KALRN: variants seen among roughly 807,000 people sequenced by gnomAD.
The protein encoded by KALRN is kalirin RhoGEF kinase.
Under a neutral mutation model 353.7 loss-of-function variants are expected in KALRN, and 70 were observed. That is an observed-to-expected ratio of 0.20 (90% CI 0.16 to 0.24). The LOEUF is 0.24. KALRN is among the 10% of genes least tolerant of loss of function. KALRN has a pLI of 1.00. For synonymous variants in KALRN, 1,391 were observed against 1,434.8 expected (o/e 0.97, Z 0.69); for missense variants, 2,791 against 3,756.7 (o/e 0.74, Z 6.72).
At chr3:124,582,769 G>T (rs77771486) in intron 34 of KALRN, among the ~76,000 whole-genome samples, 2 of 113,918 alleles carry the variant, frequency 1.8e-5, no homozygotes, top group East Asian at 3.1e-4. Context: ...CATTTTTTTT[G>T]GGGGGGTTGA....
At chr3:124,325,090 G>A (rs908043590) in intron 6 of KALRN, among the ~76,000 whole-genome samples, 6 of 152,042 alleles carry the variant, frequency 3.9e-5, no homozygotes, top group African/African-American at 1.2e-4. Flanking sequence ...CTTTTGTCTC[G>A]TTCCTTCCTG....
chr3:124,207,564 A>G (rs1477246169), intron 1 of KALRN, among the ~76,000 whole-genome samples: 1 of 152,170 alleles, frequency 6.6e-6, no homozygotes, highest in Non-Finnish European at 1.5e-5. Flanking sequence ...GAGCTAGATG[A>G]GACAGATCTA....
chr3:124,564,710 A>G (rs2072585244), intron 34 of KALRN, among the ~76,000 whole-genome samples: 1 of 152,244 alleles, frequency 6.6e-6, no homozygotes, highest in Non-Finnish European at 1.5e-5. Context: ...ATTTTAAAAA[A>G]GAAAGAAACG....
At chr3:124,648,299 C>A (rs1202530303) in intron 37 of KALRN, among the ~76,000 whole-genome samples, 1 of 152,218 alleles carries the variant, frequency 6.6e-6, no homozygotes, top group Non-Finnish European at 1.5e-5. Flanking sequence ...CTGTTGCCAT[C>A]CCAGAGAGTC....
intron 1 of KALRN, among the ~76,000 whole-genome samples, chr3:124,110,469 G>GCGCACACACACACACACACA (rs10634082): frequency 1.5e-5 from 2 of 134,050 alleles, no homozygotes; most frequent in South Asian, 4.7e-4. Flanking sequence ...ACACACGCGC[G>GCGCACACACACACACACACA]CACACACACA....
chr3:124,451,345 C>G (rs2058760448), intron 21 of KALRN, among the ~76,000 whole-genome samples: 7 of 152,096 alleles, frequency 4.6e-5, no homozygotes. Context: ...GAACCTCTGT[C>G]TTTTCCAGCA....
chr3:124,528,561 T>C (rs968684374), intron 33 of KALRN, among the ~76,000 whole-genome samples: 1 of 152,112 alleles, frequency 6.6e-6, no homozygotes, highest in African/African-American at 2.4e-5. Context: ...AGACAAGCTT[T>C]TAAAGTTGAA....
intron 1 of KALRN, among the ~76,000 whole-genome samples, chr3:124,116,428 C>T (rs1320183): frequency 0.92 from 140,035 of 152,226 alleles, 65,521 homozygotes; most frequent in East Asian, 1. Context: ...TAGATCCTAT[C>T]TTACAGATCA....
intron 1 of KALRN, among the ~76,000 whole-genome samples, chr3:124,111,417 G>A (rs1017672669): frequency 2.0e-5 from 3 of 152,172 alleles, no homozygotes; most frequent in African/African-American, 7.2e-5. Flanking sequence ...TGCAATTTCC[G>A]TGATTGGTGT....
At chr3:124,634,878 C>G (rs2081190111) in intron 36 of KALRN, among the ~76,000 whole-genome samples, 1 of 152,210 alleles carries the variant, frequency 6.6e-6, no homozygotes, top group South Asian at 2.1e-4. Context: ...CCTGTGCTCT[C>G]TAGTGCTCTG....
Position 124,076,658 on chromosome 3 carries a change from C to T in KALRN, c.73+42845C>T, listed in dbSNP as rs77779876. 3.2e-3 allele frequency among the ~76,000 whole-genome samples: 495 copies of T among 152,312 alleles called. 8 individuals carry two copies. The highest frequency in any genetic ancestry group is 0.011 in the African/African-American group (477 of 41,564). ...GATCATTTTCTCTAGAGGTTGTGAA[C>T]TCAGTTCCCTACAGGGGCCAGACCA... On this transcript the variant is annotated intron_variant, in intron 1 of 59. Transcript: ENST00000682506.
intron 17 of KALRN, among the ~76,000 whole-genome samples, chr3:124,435,804 C>G (rs1022859699): frequency 4.6e-5 from 7 of 152,164 alleles, no homozygotes; most frequent in African/African-American, 1.7e-4. Flanking sequence ...TCAATCAAAT[C>G]CCAGCAAGCT....
intron 38 of KALRN, among the ~76,000 whole-genome samples, chr3:124,655,050 T>C (rs759760246): frequency 1.3e-5 from 2 of 152,232 alleles, no homozygotes; most frequent in Non-Finnish European, 2.9e-5. Context: ...CCAGGCCAGT[T>C]ACCATGATAC....
chr3:124,696,481 CT>C (rs996801002), intron 54 of KALRN, among the ~76,000 whole-genome samples: 3 of 152,108 alleles, frequency 2.0e-5, no homozygotes, highest in African/African-American at 7.2e-5. Flanking sequence ...TTCTACAATA[CT>C]TTTTAAAACA....
At chr3:124,705,793 C>T (rs2062573510) in intron 57 of KALRN, among the ~76,000 whole-genome samples, 1 of 150,600 alleles carries the variant, frequency 6.6e-6, no homozygotes, top group African/African-American at 2.5e-5. Context: ...CAAGAAAAGA[C>T]TGGTCCCTCC....
chr3:124,552,256 C>T (rs185028797), intron 33 of KALRN, among the ~76,000 whole-genome samples: 7 of 152,148 alleles, frequency 4.6e-5, no homozygotes, highest in Admixed American at 4.6e-4. Context: ...TAAGTCACCC[C>T]GCTCCCAGCC....
chr3:124,470,408 T>C (rs2060771106), intron 25 of KALRN, among the ~76,000 whole-genome samples: 1 of 152,226 alleles, frequency 6.6e-6, no homozygotes, highest in Non-Finnish European at 1.5e-5. Context: ...CTTCATAAGC[T>C]TCCAATTAAG....
chr3:124,170,831 CTTTTTTTTTTTTTTTTTTTTTTTTTTT>C (rs752783614), intron 1 of KALRN, among the ~76,000 whole-genome samples: 6 of 47,118 alleles, frequency 1.3e-4, no homozygotes, highest in African/African-American at 4.0e-4. Context: ...CTTCCACATT[CTTTTTTTTTTTTTTTTTTTTTTTTTTT>C]TTTTTTTTTT....
chr3:124,083,747 G>GT (rs1217661292), intron 1 of KALRN, among the ~76,000 whole-genome samples: 1 of 152,222 alleles, frequency 6.6e-6, no homozygotes, highest in Non-Finnish European at 1.5e-5. Flanking sequence ...GCCTGTGTGT[G>GT]TAGCACTGAT....
Sources: allele counts gnomAD v4.1 joint callset (sites outside exome capture counted in the v4.1 genomes callset), GRCh38; gene constraint gnomAD v4.1.1; transcripts MANE v1.5; gene names NCBI Gene and HGNC (gene_info 2026-07-23, HGNC 2026-07-21).